HS2ST1: variants seen among roughly 807,000 people sequenced by gnomAD.
The protein encoded by HS2ST1 is 2-O-sulfotransferase.
HS2ST1 carries 18 observed loss-of-function variants against 42.9 expected under a neutral mutation model. That is an observed-to-expected ratio of 0.42 (90% confidence interval 0.29 to 0.62). The LOEUF is 0.62. HS2ST1 is among the 20% of genes least tolerant of loss of function. The pLI is 0.21. For synonymous variants in HS2ST1, 146 were observed against 152.9 expected (o/e 0.95, Z 0.33); for missense variants, 334 against 433.8 (o/e 0.77, Z 2.04).
intron 1 of HS2ST1, among the ~76,000 whole-genome samples, chr1:87,048,914 G>A (rs1328031756): frequency 6.6e-6 from 1 of 152,076 alleles, no homozygotes; most frequent in Admixed American, 6.5e-5. Flanking sequence ...GGTATCAAAG[G>A]CTGGCTTCAG....
chr1:86,995,079 C>G (rs1441803899), intron 1 of HS2ST1, among the ~76,000 whole-genome samples: 2 of 152,026 alleles, frequency 1.3e-5, no homozygotes, highest in Non-Finnish European at 1.5e-5. Flanking sequence ...TCCTTTCCCA[C>G]CTCTACTGTT....
intron 1 of HS2ST1, among the ~76,000 whole-genome samples, chr1:87,021,503 T>TTGG (rs145914723): frequency 0.012 from 1,820 of 152,296 alleles, 42 homozygotes; most frequent in African/African-American, 0.042. Flanking sequence ...GACAATATTA[T>TTGG]TGGTGGTGGT....
rs1008061510 is a variant in HS2ST1, at chr1:87,108,162, T to C, written c.*3466T>C. 6.6e-6 allele frequency: 1 copy of C among 152,070 alleles called. No homozygotes were observed. Among genetic ancestry groups the C allele is most frequent in the African/African-American group, 2.4e-5 (1 of 41,434 alleles). The allele number at this position is 152,070 out of a possible 1,614,324, so 9.4% of individuals were successfully genotyped here. A position where few individuals can be genotyped will look rare whatever the true frequency, so the allele number is the denominator to read the frequency against. ...TTGTTAGAAAACAGTTTGTAGACAA[T>C]GATTCTTTTTTAATAAAATCAAATA... On this transcript the variant is annotated 3_prime_UTR_variant, in exon 7 of 7. Transcript: ENST00000370550.
chr1:86,920,386 TC>T (rs1340249501), intron 1 of HS2ST1, among the ~76,000 whole-genome samples: 15 of 152,312 alleles, frequency 9.8e-5, no homozygotes, highest in African/African-American at 3.6e-4. Context: ...TGTAAGATGT[TC>T]CAGAGAATGC....
intron 1 of HS2ST1, chr1:87,045,681 G>C: frequency 1.3e-6 from 1 of 779,778 alleles, no homozygotes; most frequent in Non-Finnish European, 2.4e-6. Flanking sequence ...CACTGCATTA[G>C]TAGTAGCAAT....
chr1:86,983,407 GGA>G (rs1418329838), intron 1 of HS2ST1, among the ~76,000 whole-genome samples: 3 of 152,122 alleles, frequency 2.0e-5, no homozygotes, highest in Admixed American at 6.5e-5. Context: ...CATGGTGGTA[GGA>G]GAGAGAGTGC....
chr1:87,048,702 A>T (rs1396818831), intron 1 of HS2ST1, among the ~76,000 whole-genome samples: 1 of 151,930 alleles, frequency 6.6e-6, no homozygotes, highest in African/African-American at 2.4e-5. Flanking sequence ...TTTATCATGA[A>T]TTGATGTTGG....
intron 1 of HS2ST1, among the ~76,000 whole-genome samples, chr1:87,011,591 G>A (rs886227055): frequency 2.0e-5 from 3 of 152,032 alleles, no homozygotes; most frequent in Admixed American, 1.3e-4. Context: ...TTATAAATGG[G>A]TTCACTTTTC....
chr1:87,009,194 A>C (rs566539700), intron 1 of HS2ST1, among the ~76,000 whole-genome samples: 1 of 152,206 alleles, frequency 6.6e-6, no homozygotes, highest in South Asian at 2.1e-4. Context: ...CTAGCTTGTC[A>C]CTATTACCTC....
At chr1:87,049,592 AT>A (rs1167401868) in intron 1 of HS2ST1, among the ~76,000 whole-genome samples, 3 of 151,876 alleles carry the variant, frequency 2.0e-5, no homozygotes, top group African/African-American at 7.2e-5. Flanking sequence ...CTTTTCTGTT[AT>A]TTTAAATTTA....
intron 1 of HS2ST1, among the ~76,000 whole-genome samples, chr1:87,002,684 A>T (rs1649325196): frequency 6.6e-6 from 1 of 151,654 alleles, no homozygotes; most frequent in Non-Finnish European, 1.5e-5. Flanking sequence ...TGTTTTTTTT[A>T]CACAAAAGTC....
chr1:87,088,118 ATTGTC>A (rs1248227056), intron 3 of HS2ST1, among the ~76,000 whole-genome samples: 6 of 152,034 alleles, frequency 3.9e-5, no homozygotes, highest in African/African-American at 1.4e-4. Context: ...CAGTTACCAT[ATTGTC>A]TTAACTGGTG....
chr1:86,964,647 G>A (rs1335288803), intron 1 of HS2ST1, among the ~76,000 whole-genome samples: 2 of 152,182 alleles, frequency 1.3e-5, no homozygotes, highest in African/African-American at 4.8e-5. Flanking sequence ...GGAGACCGTG[G>A]GGAGAGGGAG....
At chr1:86,933,860 C>T (rs947165443) in intron 1 of HS2ST1, among the ~76,000 whole-genome samples, 1 of 152,122 alleles carries the variant, frequency 6.6e-6, no homozygotes, top group Non-Finnish European at 1.5e-5. Context: ...TTAAAATTTC[C>T]TCTCGTGTAA....
intron 1 of HS2ST1, among the ~76,000 whole-genome samples, chr1:87,009,124 C>T (rs1185250110): frequency 6.6e-6 from 1 of 152,148 alleles, no homozygotes; most frequent in African/African-American, 2.4e-5. Context: ...ATGAGCCACC[C>T]CATACTGGCC....
At chr1:86,970,939 T>C (rs989665685) in intron 1 of HS2ST1, among the ~76,000 whole-genome samples, 41 of 152,256 alleles carry the variant, frequency 2.7e-4, no homozygotes, top group Non-Finnish European at 5.0e-4. Flanking sequence ...GTTAGCACAA[T>C]TGACAAGTTC....
chr1:86,936,776 C>CCA (rs1660662815), intron 1 of HS2ST1, among the ~76,000 whole-genome samples: 1 of 151,912 alleles, frequency 6.6e-6, no homozygotes, highest in South Asian at 2.1e-4. Flanking sequence ...CTACAGCATA[C>CCA]GTTTATTCCA....
intron 1 of HS2ST1, among the ~76,000 whole-genome samples, chr1:86,963,894 G>T (rs1257048654): frequency 6.7e-6 from 1 of 150,118 alleles, no homozygotes; most frequent in Admixed American, 6.6e-5. Flanking sequence ...CTGGCCTGGC[G>T]GGGGCTGCCC....
chr1:87,046,302 T>A (rs1570509539), intron 1 of HS2ST1: 1 of 730,092 alleles, frequency 1.4e-6, no homozygotes, highest in East Asian at 2.9e-5. Flanking sequence ...CTCTCCTGAC[T>A]GTACAATTTG....
Sources: gnomAD v4.1 joint callset for allele counts (sites outside exome capture counted in the v4.1 genomes callset) on GRCh38, gnomAD v4.1.1 for gene constraint, MANE v1.5 for transcripts, NCBI Gene and HGNC (gene_info 2026-07-23, HGNC 2026-07-21) for gene names.